Variants in ENTREP2 observed in about 807,000 individuals in gnomAD.
ENTREP2 encodes endosomal transmembrane epsin interactor 2.
the ENTREP2 span, among the ~76,000 whole-genome samples, chr15:29,650,088 C>T: frequency 6.6e-6 from 1 of 151,898 alleles, no homozygotes; most frequent in African/African-American, 2.4e-5. Context: ...TCCCAAGTCA[C>T]GAGATTATGC....
chr15:29,338,364 T>TG, the ENTREP2 span, among the ~76,000 whole-genome samples: 194 of 146,224 alleles, frequency 1.3e-3, no homozygotes, highest in Middle Eastern at 3.5e-3. Flanking sequence ...AGGCAGAGCT[T>TG]GCAGTGAGCC....
At chr15:29,414,792 T>A in the ENTREP2 span, among the ~76,000 whole-genome samples, 8 of 151,570 alleles carry the variant, frequency 5.3e-5, no homozygotes, top group Non-Finnish European at 5.9e-5. Flanking sequence ...ATCAAATAGA[T>A]GCAATAAAAA....
At chr15:29,226,094 A>G in the ENTREP2 span, among the ~76,000 whole-genome samples, 104 of 152,344 alleles carry the variant, frequency 6.8e-4, no homozygotes, top group Admixed American at 1.6e-3. Flanking sequence ...TTGTCTTGAC[A>G]CTGCCGTGTT....
At chr15:29,354,209 G>T in the ENTREP2 span, among the ~76,000 whole-genome samples, 2 of 152,264 alleles carry the variant, frequency 1.3e-5, no homozygotes, top group African/African-American at 4.8e-5. Context: ...CAGAGCTTCT[G>T]CTTCTCCCAC....
At chr15:29,579,020 C>T in the ENTREP2 span, among the ~76,000 whole-genome samples, 1 of 152,166 alleles carries the variant, frequency 6.6e-6, no homozygotes, top group Non-Finnish European at 1.5e-5. Context: ...TTCATATGCT[C>T]AGACTCAAAC....
At chr15:29,644,092 A>G in the ENTREP2 span, among the ~76,000 whole-genome samples, 1 of 151,946 alleles carries the variant, frequency 6.6e-6, no homozygotes, top group Non-Finnish European at 1.5e-5. Context: ...ATTTTACTGG[A>G]TATCATTTGT....
the ENTREP2 span, among the ~76,000 whole-genome samples, chr15:29,457,061 G>A: frequency 4.6e-5 from 7 of 152,174 alleles, no homozygotes; most frequent in African/African-American, 1.4e-4. Context: ...TTCTTGACAC[G>A]GTTCTGTGAC....
the ENTREP2 span, among the ~76,000 whole-genome samples, chr15:29,341,543 C>T: frequency 9.2e-5 from 14 of 152,214 alleles, no homozygotes; most frequent in African/African-American, 2.4e-4. Context: ...ACATGCAAAC[C>T]TGATCACTAA....
the ENTREP2 span, among the ~76,000 whole-genome samples, chr15:29,558,052 T>C: frequency 6.6e-6 from 1 of 152,182 alleles, no homozygotes; most frequent in South Asian, 2.1e-4. Flanking sequence ...GTTAAGGAAT[T>C]AGGCAGTCAT....
the ENTREP2 span, chr15:29,126,223 A>G: frequency 7.1e-7 from 1 of 1,398,684 alleles, no homozygotes; most frequent in Non-Finnish European, 9.5e-7. Context: ...ATCCAAGGAA[A>G]GCTGGCCACA....
chr15:29,170,178 G>A, the ENTREP2 span, among the ~76,000 whole-genome samples: 1 of 151,554 alleles, frequency 6.6e-6, no homozygotes, highest in African/African-American at 2.4e-5. Context: ...CGTGGTGGCG[G>A]GTGCTTGTAG....
At chr15:29,126,507 C>T in the ENTREP2 span, 8 of 1,548,764 alleles carry the variant, frequency 5.2e-6, no homozygotes, top group Non-Finnish European at 6.1e-6. Flanking sequence ...AGAGAAGGGA[C>T]ATGGCATTAG....
At chr15:29,424,722 C>A in the ENTREP2 span, among the ~76,000 whole-genome samples, 1 of 152,168 alleles carries the variant, frequency 6.6e-6, no homozygotes, top group Non-Finnish European at 1.5e-5. Flanking sequence ...CCCCAGGAAT[C>A]CTCAAGCTCA....
the ENTREP2 span, among the ~76,000 whole-genome samples, chr15:29,424,263 C>G: frequency 6.6e-6 from 1 of 152,180 alleles, no homozygotes; most frequent in Non-Finnish European, 1.5e-5. Context: ...GGGCTCCCAC[C>G]GCTGACTGGG....
chr15:29,467,509 C>T, the ENTREP2 span, among the ~76,000 whole-genome samples: 1 of 152,086 alleles, frequency 6.6e-6, no homozygotes, highest in African/African-American at 2.4e-5. Flanking sequence ...CCTGAGTGTT[C>T]GATGGGAACA....
At chr15:29,126,620 A>G in the ENTREP2 span, 1 of 747,606 alleles carries the variant, frequency 1.3e-6, no homozygotes, top group South Asian at 1.8e-5. Flanking sequence ...ACTGGATAAG[A>G]TTGACAAATG....
the ENTREP2 span, among the ~76,000 whole-genome samples, chr15:29,288,891 C>G: frequency 5.3e-5 from 8 of 152,250 alleles, no homozygotes; most frequent in African/African-American, 1.9e-4. Flanking sequence ...ATGACGGGAT[C>G]ATTTCCAGAA....
chr15:29,149,150 C>T, the ENTREP2 span, among the ~76,000 whole-genome samples: 1 of 152,128 alleles, frequency 6.6e-6, no homozygotes, highest in Non-Finnish European at 1.5e-5. Flanking sequence ...GGATTACAAG[C>T]GTGAGCCACC....
the ENTREP2 span, among the ~76,000 whole-genome samples, chr15:29,168,092 C>T: frequency 3.9e-5 from 6 of 152,102 alleles, no homozygotes; most frequent in South Asian, 6.2e-4. Flanking sequence ...AAACATCGTA[C>T]GTTCTCATTG....
Sources: allele counts gnomAD v4.1 joint callset (sites outside exome capture counted in the v4.1 genomes callset), GRCh38; gene constraint gnomAD v4.1.1; transcripts MANE v1.5; gene names NCBI Gene and HGNC (gene_info 2026-07-23, HGNC 2026-07-21).